Variants in E2F3 observed in about 807,000 individuals in gnomAD.
E2F3 encodes E2F transcription factor 3, also known as transcription factor E2F3.
In E2F3, 11 loss-of-function variants were observed where a neutral mutation model predicts 44.4. The ratio of observed to expected loss-of-function variants is 0.25; its 90% CI spans 0.16 to 0.41. E2F3 has a LOEUF of 0.41. E2F3 is among the 10% of genes least tolerant of loss of function. The probability of loss-of-function intolerance (pLI) is 1.00; values close to 1 mark genes in which losing one functional copy is unlikely to be tolerated. For synonymous variants in E2F3, 249 were observed against 253.0 expected (o/e 0.98, Z 0.15); for missense variants, 487 against 583.6 (o/e 0.83, Z 1.70).
Position 20,490,538 on chromosome 6 carries a change from T to C in E2F3, c.*108T>C. On this transcript the variant is annotated 3_prime_UTR_variant, in exon 7 of 7. Coordinates refer to ENST00000346618, the MANE Select transcript of E2F3 (RefSeq NM_001949.5). The surrounding 1 kb of genome is among the most constrained non-coding windows in gnomAD (Gnocchi z 4.3). ...CCTACCTTCTTCCTCCAAGAGAGTATCATGAAGTAAACTACAAACTTCAGA... is the reference window on the plus strand; with the variant it reads ...CCTACCTTCTTCCTCCAAGAGAGTACCATGAAGTAAACTACAAACTTCAGA... The C allele has an allele frequency of 8.7e-7, 1 of 1,144,802 alleles. No homozygotes were observed. The highest frequency in any genetic ancestry group is 1.2e-6 in the Non-Finnish European group (1 of 843,856). The allele number at this position is 1,144,802 out of a possible 1,614,324, so 70.9% of individuals were successfully genotyped here.
chr6:20,437,473 G>T (rs990646228), intron 1 of E2F3, among the ~76,000 whole-genome samples: 2 of 151,330 alleles, frequency 1.3e-5, no homozygotes, highest in Non-Finnish European at 2.9e-5. Context: ...ATACATTAAA[G>T]AATTGTCTTT....
intron 1 of E2F3, among the ~76,000 whole-genome samples, chr6:20,462,855 CTCTCTTTT>C (rs1761562258): frequency 1.7e-5 from 2 of 114,932 alleles, no homozygotes; most frequent in Non-Finnish European, 3.5e-5. Flanking sequence ...CTTTCTCTCT[CTCTCTTTT>C]TTTTTTTTTT....
intron 1 of E2F3, among the ~76,000 whole-genome samples, chr6:20,427,795 G>A (rs1167864239): frequency 6.6e-6 from 1 of 152,190 alleles, no homozygotes; most frequent in East Asian, 1.9e-4. Flanking sequence ...GGAGCTCCTT[G>A]ATGATATTTA....
chr6:20,409,074 G>T (rs527455628), intron 1 of E2F3, among the ~76,000 whole-genome samples: 1 of 152,220 alleles, frequency 6.6e-6, no homozygotes, highest in Non-Finnish European at 1.5e-5. Flanking sequence ...AGCCAAAACC[G>T]AAACGGGAGA....
Position 20,447,268 on chromosome 6 carries a change from T to G in E2F3, c.394-32578T>G, listed in dbSNP as rs142651571. ...AGGGCACTGCCTTTCTTGTGAACTT[T>G]CTTGCCCAAGGGACAAATGAGCTAA... On this transcript the variant is annotated intron_variant, in intron 1 of 6. Transcript: ENST00000346618. 2.4e-3 allele frequency among the ~76,000 whole-genome samples: 363 copies of G among 152,250 alleles called. 3 individuals are homozygous for G. Among genetic ancestry groups the G allele is most frequent in the African/African-American group, 8.2e-3 (340 of 41,552 alleles).
intron 3 of E2F3, among the ~76,000 whole-genome samples, chr6:20,482,132 A>G (rs1762243607): frequency 6.6e-6 from 1 of 152,214 alleles, no homozygotes; most frequent in African/African-American, 2.4e-5. Flanking sequence ...AGATGAATAC[A>G]TACCTTTTTT....
At position 20,425,387 on chromosome 6, in the gene E2F3, C is replaced by CTT. The variant is rs879940355; in HGVS notation, c.393+22780_393+22781dup. Among the ~76,000 whole-genome samples the CTT allele has an allele frequency of 3.3e-3, 446 of 134,788 alleles. 3 individuals carry two copies. Among genetic ancestry groups the CTT allele is most frequent in the African/African-American group, 0.011 (381 of 36,234 alleles). The allele number at this position is 134,788 out of a possible 152,430, so 88.4% of individuals were successfully genotyped here. A position where few individuals can be genotyped will look rare whatever the true frequency, so the allele number is the denominator to read the frequency against. The stretch of plus-strand genomic sequence containing the variant: ...TGCGCACAACCCCAGGAACCTTCTA[C>CTT]TTTTTTTTTTTTTTTTTTTGAGACA... On this transcript the variant is annotated intron_variant, in intron 1 of 6. Transcript: ENST00000346618.
At chr6:20,456,869 A>C (rs76257365) in intron 1 of E2F3, among the ~76,000 whole-genome samples, 4,227 of 152,304 alleles carry the variant, frequency 0.028, 79 homozygotes, top group Non-Finnish European at 0.039. Context: ...TGGTTATAAG[A>C]ATCCCTAGAT....
chr6:20,465,763 T>A (rs1761680955), intron 1 of E2F3, among the ~76,000 whole-genome samples: 2 of 152,254 alleles, frequency 1.3e-5, no homozygotes, highest in African/African-American at 4.8e-5. Context: ...TCCAGGTAGC[T>A]GCAAATGCCA....
At chr6:20,441,762 T>G (rs2127596783) in intron 1 of E2F3, among the ~76,000 whole-genome samples, 1 of 150,956 alleles carries the variant, frequency 6.6e-6, no homozygotes, top group Non-Finnish European at 1.5e-5. Flanking sequence ...CAGACAGCGT[T>G]TCACTGTGTT....
rs187712858 is a variant in E2F3 at position 20,439,706 on chromosome 6, A to G, written c.393+37081A>G. Among the ~76,000 whole-genome samples the G allele has an allele frequency of 3.2e-3, 490 of 152,038 alleles. 1 individual carries two copies. Among genetic ancestry groups the G allele is most frequent in the South Asian group, 6.2e-3 (30 of 4,820 alleles). ...CACCAAAGCCTGGCTAATTTTTTAA[A>G]TTTCTTTGTAGAGAGGGGTCTCACT... On this transcript the variant is annotated intron_variant, in intron 1 of 6. Coordinates refer to ENST00000346618, the MANE Select transcript of E2F3 (RefSeq NM_001949.5).
At chr6:20,463,697 G>A (rs974887824) in intron 1 of E2F3, among the ~76,000 whole-genome samples, 1 of 152,154 alleles carries the variant, frequency 6.6e-6, no homozygotes, top group African/African-American at 2.4e-5. Flanking sequence ...CAGATGTGCT[G>A]AGTCAGGGGG....
chr6:20,463,374 T>A (rs2127608811), intron 1 of E2F3, among the ~76,000 whole-genome samples: 1 of 152,226 alleles, frequency 6.6e-6, no homozygotes, highest in Non-Finnish European at 1.5e-5. Flanking sequence ...CATAGTGAAG[T>A]CCCCTATCTG....
At chr6:20,430,323 T>C (rs1192028340) in intron 1 of E2F3, among the ~76,000 whole-genome samples, 1 of 152,212 alleles carries the variant, frequency 6.6e-6, no homozygotes, top group Non-Finnish European at 1.5e-5. Flanking sequence ...ATCTGATAAC[T>C]CTAAAGATAG....
At chr6:20,419,284 T>C (rs1166236619) in intron 1 of E2F3, among the ~76,000 whole-genome samples, 1 of 152,232 alleles carries the variant, frequency 6.6e-6, no homozygotes, top group African/African-American at 2.4e-5. Flanking sequence ...GATATCTATG[T>C]ACATAAGTTT....
intron 1 of E2F3, among the ~76,000 whole-genome samples, chr6:20,458,109 T>C (rs1761374977): frequency 6.6e-6 from 1 of 152,214 alleles, no homozygotes; most frequent in African/African-American, 2.4e-5. Context: ...AGATAGTGGC[T>C]CATTATGAAG....
chr6:20,432,687 G>A (rs376332120), intron 1 of E2F3, among the ~76,000 whole-genome samples: 7 of 152,168 alleles, frequency 4.6e-5, no homozygotes, highest in African/African-American at 1.7e-4. Flanking sequence ...ATAGATGGAG[G>A]GAAGGTTAGG....
chr6:20,441,140 C>A (rs1013683810), intron 1 of E2F3, among the ~76,000 whole-genome samples: 5 of 152,316 alleles, frequency 3.3e-5, no homozygotes, highest in Non-Finnish European at 7.3e-5. Flanking sequence ...AACAGAAAAT[C>A]TACCATTGAA....
Position 20,492,268 on chromosome 6 carries a change from T to G in E2F3, c.*1838T>G, listed in dbSNP as rs1191695573. On this transcript the variant is annotated 3_prime_UTR_variant, in exon 7 of 7. Coordinates refer to ENST00000346618, the MANE Select transcript of E2F3 (RefSeq NM_001949.5). ...AGATGACACCAGCACTTTAAACTCT[T>G]TGTGTGGGTATGCGTGGGTGTATGT... The G allele has an allele frequency of 1.3e-5, 3 of 231,918 alleles. No individual in the cohort carries two copies. Among genetic ancestry groups the G allele is most frequent in the Non-Finnish European group, 2.6e-5 (3 of 116,944 alleles). The allele number at this position is 231,918 out of a possible 1,614,324, so 14.4% of individuals were successfully genotyped here. A position where few individuals can be genotyped will look rare whatever the true frequency, so the allele number is the denominator to read the frequency against.
Sources: gnomAD v4.1 joint callset for allele counts (sites outside exome capture counted in the v4.1 genomes callset) on GRCh38, gnomAD v4.1.1 for gene constraint, Gnocchi (gnomAD v3.1) non-coding constraint, MANE v1.5 for transcripts, NCBI Gene and HGNC (gene_info 2026-07-23, HGNC 2026-07-21) for gene names.